Variants in EGFL7 observed in about 807,000 individuals in gnomAD.
EGFL7 encodes epidermal growth factor-like protein 7.
EGFL7 carries 48 observed loss-of-function variants against 37.1 expected under a neutral mutation model. That is an observed-to-expected ratio of 1.29 (90% CI 1.03 to 1.65). EGFL7 has a LOEUF of 1.65. Among genes scored for constraint, EGFL7 ranks in the 40% most tolerant of loss-of-function variants. EGFL7 has a pLI of 0.00. For missense variants in EGFL7, 384 were observed against 378.9 expected, an observed-to-expected ratio of 1.01 and a Z score of -0.11; for synonymous variants, 180 against 156.8, an observed-to-expected ratio of 1.15 and a Z score of -1.10.
At chr9:136,665,645 C>T (rs559266949) in intron 3 of EGFL7, 1 of 151,352 alleles carries the variant, frequency 6.6e-6, no homozygotes, top group South Asian at 2.1e-4. Flanking sequence ...TCACTGCCCG[C>T]CCGGGGGCAG....
intron 3 of EGFL7, chr9:136,665,791 C>T (rs1845428445): frequency 6.9e-6 from 1 of 145,710 alleles, no homozygotes; most frequent in Non-Finnish European, 1.5e-5. Context: ...GCAGTGGCGG[C>T]GGCGCGTGCG....
In EGFL7 at chr9:136,672,063, C is replaced by CT; in HGVS notation, c.776dup (p.Leu260ProfsTer24). The CT allele has an allele frequency of 6.5e-7, 1 of 1,546,736 alleles. No homozygotes were observed. The highest frequency in any genetic ancestry group is 8.7e-7 in the Non-Finnish European group (1 of 1,147,026). ...TCGACTCCCTGAGCGAGCAGATTTC[C>CT]TTCCTGGAGGAGCAGCTGGGGTCCT... is the stretch of plus-strand genomic sequence containing the variant. On this transcript the variant is annotated frameshift_variant, in exon 10 of 11. Coordinates refer to ENST00000308874, the MANE Select transcript of EGFL7 (RefSeq NM_016215.5). LOFTEE classifies it high-confidence loss of function.
At chr9:136,667,569 A>G (rs987417976) in intron 3 of EGFL7, among the ~76,000 whole-genome samples, 1 of 152,090 alleles carries the variant, frequency 6.6e-6, no homozygotes, top group African/African-American at 2.4e-5. Context: ...CCTCACCCCC[A>G]GGTGTGCACC....
chr9:136,671,886 CG>C (rs1363725188), intron 9 of EGFL7, 39 bp from the exon 10 acceptor site: 2 of 1,456,310 alleles, frequency 1.4e-6, no homozygotes, highest in Non-Finnish European at 1.8e-6. Context: ...GCAGAGAGGG[CG>C]GGGGCCGGCC....
Position 136,669,948 on chromosome 9 carries a change from C to T in EGFL7, c.348C>T (p.Ser116=). The T allele has an allele frequency of 6.2e-7, 1 of 1,606,032 alleles. No homozygotes were observed. The highest frequency in any genetic ancestry group is 8.5e-7 in the Non-Finnish European group (1 of 1,176,872). ...AGCCGCCATGCCGGAACGGAGGGAG[C>T]TGTGTCCAGCCTGGCCGCTGCCGCT... ...ICQPPCRNGG[S]CVQPGRCRCP... is the part of the protein sequence containing the mutation. The change falls in exon 7 of 11, where the codon AGC becomes AGT. Residue 116 remains serine, a synonymous_variant. Coordinates refer to ENST00000308874, the MANE Select transcript of EGFL7 (RefSeq NM_016215.5).
chr9:136,672,473 GA>G lies in EGFL7; in HGVS notation c.*188del. On this transcript the variant is annotated 3_prime_UTR_variant, in exon 11 of 11. Coordinates refer to ENST00000308874, the MANE Select transcript of EGFL7 (RefSeq NM_016215.5). ...CAGACCCTGGCATGGGATGGGCTGG[GA>G]TCTTCTCTGTGAATCCACCCCTGGC... The G allele has an allele frequency of 1.4e-6, 1 of 701,094 alleles. No homozygotes were observed. The highest frequency in any genetic ancestry group is 1.8e-5 in the South Asian group (1 of 55,316). The allele number at this position is 701,094 out of a possible 1,614,324, so 43.4% of individuals were successfully genotyped here. A position where few individuals can be genotyped will look rare whatever the true frequency, so the allele number is the denominator to read the frequency against.
At chr9:136,671,173 G>C (rs1453106925) in intron 9 of EGFL7, among the ~76,000 whole-genome samples, 159 bp downstream of exon 9, 1 of 108,830 alleles carries the variant, frequency 9.2e-6, no homozygotes, top group Non-Finnish European at 1.9e-5. Flanking sequence ...GCTGGAGGAG[G>C]TGAGGCGTCG....
At position 136,666,882 on chromosome 9, in the gene EGFL7, CAA is replaced by C. The variant is rs1241094548; in HGVS notation, c.-42-1357_-42-1356del. Among the ~76,000 whole-genome samples the C allele has an allele frequency of 1.3e-5, 2 of 152,086 alleles. No homozygotes were observed. Among genetic ancestry groups the C allele is most frequent in the African/African-American group, 4.8e-5 (2 of 41,412 alleles). On this transcript the variant is annotated intron_variant, in intron 3 of 10. Transcript: ENST00000308874. This position sits in a 1 kb window ranked among gnomAD's most constrained non-coding sequence, Gnocchi z 6.8. ...TCTCCAGCCAGCTCTGCCCCCTCGA[CAA>C]ACTCCTGCCCAAAAACTGCTGTGAT...
intron 3 of EGFL7, 111 bp from the exon 4 acceptor site, chr9:136,668,130 T>A: frequency 1.6e-6 from 1 of 621,570 alleles, no homozygotes; most frequent in Non-Finnish European, 2.8e-6. Context: ...GTCCCACCGG[T>A]GGAGGCTCCA....
chr9:136,669,884 G>C, intron 6 of EGFL7, 30 bp from the exon 7 acceptor site: 1 of 1,552,400 alleles, frequency 6.4e-7, no homozygotes, highest in Non-Finnish European at 8.7e-7. Context: ...GGACCCAACT[G>C]AGCTGGTGAC....
intron 5 of EGFL7, 66 bp from the exon 6 acceptor site, chr9:136,669,540 T>C: frequency 2.4e-6 from 3 of 1,226,808 alleles, no homozygotes; most frequent in East Asian, 2.5e-5. Context: ...GAGGGGACTC[T>C]AGATGCCCAG....
At position 136,666,910 on chromosome 9, in the gene EGFL7, G is replaced by GC. The variant is rs200940980; in HGVS notation, c.-42-1324dup. ...ACTCCTGCCCAAAAACTGCTGTGAT[G>GC]CCCCCCCTGCCCCCAAGCTAAGTCC... On this transcript the variant is annotated intron_variant, in intron 3 of 10. Coordinates refer to ENST00000308874, the MANE Select transcript of EGFL7 (RefSeq NM_016215.5). The surrounding 1 kb of genome is among the most constrained non-coding windows in gnomAD (Gnocchi z 6.8). 3.9e-3 allele frequency among the ~76,000 whole-genome samples: 591 copies of GC among 151,812 alleles called. 5 individuals are homozygous for GC. Among genetic ancestry groups the GC allele is most frequent in the East Asian group, 0.025 (130 of 5,116 alleles).
At position 136,670,458 on chromosome 9, in the gene EGFL7, G is replaced by A. The variant is rs1845774804; in HGVS notation, c.571+128G>A. The A allele has an allele frequency of 1.6e-5, 18 of 1,156,954 alleles. No individual in the cohort carries two copies. The Middle Eastern group carries it at 7.9e-4, about 51-fold the overall frequency. 71.7% of individuals were successfully genotyped at this position (1,156,954 alleles called of 1,614,324 possible). The stretch of plus-strand genomic sequence containing the variant: ...GCGGTGGGGACTCCCTCTCCAGGGA[G>A]GGAGGATGGGGAGGGAGGATAGGTG... On this transcript the variant is annotated intron_variant, in intron 8 of 10. Transcript: ENST00000308874.
rs1167390581 is a variant in EGFL7 at position 136,672,447 on chromosome 9, C to T, written c.*161C>T. The T allele has an allele frequency of 2.4e-6, 2 of 833,390 alleles. No homozygotes were observed. The allele number at this position is 833,390 out of a possible 1,614,324, so 51.6% of individuals were successfully genotyped here. ...CTCCTCCCCTTCCTCGGGAGGCTCC[C>T]CAGACCCTGGCATGGGATGGGCTGG... On this transcript the variant is annotated 3_prime_UTR_variant, in exon 11 of 11. Coordinates refer to ENST00000308874, the MANE Select transcript of EGFL7 (RefSeq NM_016215.5).
Position 136,671,807 on chromosome 9 carries a change from C to T in EGFL7, c.637-119C>T, listed in dbSNP as rs532054513. 8.6e-4 allele frequency: 1,142 copies of T among 1,323,636 alleles called. 7 individuals are homozygous for T. The African/African-American group carries it at 0.015, about 18-fold the overall frequency. The allele number at this position is 1,323,636 out of a possible 1,614,324, so 82.0% of individuals were successfully genotyped here. ...GCCCCCTCTAGTGGACACTTGGAGC[C>T]CTGCCGCGGAGGCGGGGGCTGGAGG... is the stretch of plus-strand genomic sequence containing the variant. On this transcript the variant is annotated intron_variant, in intron 9 of 10. Coordinates refer to ENST00000308874, the MANE Select transcript of EGFL7 (RefSeq NM_016215.5).
rs955697185 is a variant in EGFL7, at chr9:136,672,636, G to A, written c.*350G>A. 1.1e-4 allele frequency: 50 copies of A among 451,220 alleles called. No homozygotes were observed. The highest frequency in any genetic ancestry group is 1.6e-5 in the Non-Finnish European group (4 of 248,956). 28.0% of individuals were successfully genotyped at this position (451,220 alleles called of 1,614,324 possible). On this transcript the variant is annotated 3_prime_UTR_variant, in exon 11 of 11. Transcript: ENST00000308874. ...CCGGAGGCTGGGTGGGGCCTCAGTG[G>A]GGGCTGCTGCCTGACCCCCAGCACA...
rs1845936160 is a variant in EGFL7, at chr9:136,671,947, C to G, written c.658C>G (p.Pro220Ala). Residue 220 changes from proline to alanine, a missense_variant, in exon 10 of 11, where the codon CCA becomes GCA. Coordinates refer to ENST00000308874, the MANE Select transcript of EGFL7 (RefSeq NM_016215.5). ...ACAGAAGCTGCAGCTGGTGCTGGCC[C>G]CACTGCACAGCCTGGCCTCGCAGGC... is the stretch of plus-strand genomic sequence containing the variant. Reference protein sequence around the residue: ...LEEKLQLVLAPLHSLASQALE... With the variant: ...LEEKLQLVLAALHSLASQALE... 17 of 1,527,114 alleles carry G rather than the reference C, an allele frequency of 1.1e-5. No individual in the cohort carries two copies. The highest frequency in any genetic ancestry group is 1.4e-5 in the Non-Finnish European group (16 of 1,140,280). The allele number at this position is 1,527,114 out of a possible 1,614,324, so 94.6% of individuals were successfully genotyped here.
Position 136,671,974 on chromosome 9 carries a change from C to G in EGFL7, c.685C>G (p.Leu229Val), listed in dbSNP as rs1305439979. The G allele has an allele frequency of 6.5e-7, 1 of 1,540,874 alleles. No individual in the cohort carries two copies. Residue 229 changes from leucine (L) to valine (V), a missense_variant, in exon 10 of 11, where the codon CTG (leucine) becomes GTG (valine). By Grantham distance (32) the Leu-to-Val change is conservative. Coordinates refer to ENST00000308874, the MANE Select transcript of EGFL7 (RefSeq NM_016215.5). Reference protein sequence around the residue: ...APLHSLASQALEHGLPDPGSL... With the variant: ...APLHSLASQAVEHGLPDPGSL... ...ACTGCACAGCCTGGCCTCGCAGGCA[C>G]TGGAGCATGGGCTCCCGGACCCCGG...
chr9:136,661,519 G>A (rs1845145713), upstream of EGFL7, among the ~76,000 whole-genome samples: 1 of 152,176 alleles, frequency 6.6e-6, no homozygotes, highest in Non-Finnish European at 1.5e-5. Context: ...GCTCAGACCA[G>A]CGGTGCCTGG....
Sources: gnomAD v4.1 joint callset for allele counts (sites outside exome capture counted in the v4.1 genomes callset) on GRCh38, gnomAD v4.1.1 for gene constraint, Gnocchi (gnomAD v3.1) non-coding constraint, MANE v1.5 for transcripts, NCBI Gene and HGNC (gene_info 2026-07-23, HGNC 2026-07-21) for gene names.